The following PLCXD3 variants were observed in gnomAD, a reference collection of about 807,000 sequenced individuals.
PLCXD3 encodes the protein PI-PLC X domain-containing protein 3.
A neutral mutation model predicts 25.5 loss-of-function variants in PLCXD3; 19 were observed. The observed-to-expected ratio is 0.75, with a 90% confidence interval of 0.52 to 1.09. PLCXD3 has a LOEUF of 1.09. Among genes scored for constraint, PLCXD3 ranks in the 50% least tolerant of loss-of-function variants. The pLI is 0.00. For missense variants in PLCXD3, 411 were observed against 388.1 expected (o/e 1.06, Z -0.50); for synonymous variants, 174 against 137.6 (o/e 1.26, Z -1.85).
chr5:41,464,870 C>T (rs1226328929), intron 1 of PLCXD3, among the ~76,000 whole-genome samples: 1 of 151,858 alleles, frequency 6.6e-6, no homozygotes, highest in African/African-American at 2.4e-5. Context: ...TGTGTTCTTC[C>T]ATTTCATCAT....
At chr5:41,473,250 G>C (rs1163176877) in intron 1 of PLCXD3, among the ~76,000 whole-genome samples, 1 of 151,744 alleles carries the variant, frequency 6.6e-6, no homozygotes, top group African/African-American at 2.4e-5. Context: ...CTAACATCTT[G>C]GGCCTTTAAT....
chr5:41,358,244 G>A (rs1196777154), intron 2 of PLCXD3, among the ~76,000 whole-genome samples: 2 of 152,150 alleles, frequency 1.3e-5, no homozygotes, highest in Non-Finnish European at 2.9e-5. Context: ...AATGGCAAGT[G>A]GTAGTCAGGA....
intron 1 of PLCXD3, among the ~76,000 whole-genome samples, chr5:41,426,722 A>G (rs1240915667): frequency 6.6e-6 from 1 of 152,102 alleles, no homozygotes; most frequent in African/African-American, 2.4e-5. Context: ...TTAGATTTAC[A>G]TACATATTTA....
chr5:41,312,736 CT>C lies in PLCXD3; in HGVS notation c.*880del, dbSNP rs1277040260. On this transcript the variant is annotated 3_prime_UTR_variant, in exon 3 of 3. Transcript: ENST00000377801. ...TCCTTCCTTCCTTCCTTCCTTCCTTCTGTCTTTTTCTTTCATCAAGAGCATC... is the reference window on the plus strand; with the variant it reads ...TCCTTCCTTCCTTCCTTCCTTCCTTCGTCTTTTTCTTTCATCAAGAGCATC... 2.1e-4 allele frequency: 30 copies of C among 139,660 alleles called. No individual in the cohort carries two copies. Among genetic ancestry groups the C allele is most frequent in the African/African-American group, 4.3e-4 (16 of 36,940 alleles). 8.7% of individuals were successfully genotyped at this position (139,660 alleles called of 1,614,324 possible).
chr5:41,423,215 T>C (rs1209573647), intron 1 of PLCXD3, among the ~76,000 whole-genome samples: 1 of 152,148 alleles, frequency 6.6e-6, no homozygotes, highest in African/African-American at 2.4e-5. Context: ...ACAGTTTATA[T>C]GAAAAATGGG....
chr5:41,493,348 G>A (rs1488490998), intron 1 of PLCXD3, among the ~76,000 whole-genome samples: 1 of 152,192 alleles, frequency 6.6e-6, no homozygotes, highest in Non-Finnish European at 1.5e-5. Context: ...CCTACTGGGG[G>A]GTGCCTCCCA....
chr5:41,361,781 C>T (rs971629995), intron 2 of PLCXD3, among the ~76,000 whole-genome samples: 4 of 152,208 alleles, frequency 2.6e-5, no homozygotes, highest in African/African-American at 9.6e-5. Flanking sequence ...AAAAAGTCTA[C>T]ATGATACAGA....
intron 2 of PLCXD3, among the ~76,000 whole-genome samples, chr5:41,365,990 C>T (rs934316576): frequency 1.1e-4 from 17 of 151,618 alleles, no homozygotes; most frequent in Admixed American, 5.9e-4. Context: ...TTGTGCACAA[C>T]GTGCAGGTTT....
intron 1 of PLCXD3, among the ~76,000 whole-genome samples, chr5:41,400,562 T>C (rs1486745549): frequency 2.0e-5 from 3 of 152,064 alleles, no homozygotes; most frequent in African/African-American, 7.2e-5. Context: ...TGGAGATTAT[T>C]ATGTTGCATG....
intron 1 of PLCXD3, among the ~76,000 whole-genome samples, chr5:41,440,937 G>C (rs886727697): frequency 6.6e-6 from 1 of 152,168 alleles, no homozygotes; most frequent in Non-Finnish European, 1.5e-5. Context: ...CAGGCTATCA[G>C]AATGAGCTAC....
intron 1 of PLCXD3, among the ~76,000 whole-genome samples, chr5:41,463,634 T>C (rs1025672503): frequency 7.2e-5 from 11 of 152,032 alleles, no homozygotes; most frequent in African/African-American, 2.2e-4. Context: ...TTACAACTTC[T>C]TAGGGATCTT....
At chr5:41,424,115 C>G (rs1345271443) in intron 1 of PLCXD3, among the ~76,000 whole-genome samples, 1 of 152,172 alleles carries the variant, frequency 6.6e-6, no homozygotes, top group African/African-American at 2.4e-5. Context: ...CTCCATTCCC[C>G]TTCCCCCAGC....
At chr5:41,418,138 A>G (rs1746735259) in intron 1 of PLCXD3, among the ~76,000 whole-genome samples, 1 of 152,214 alleles carries the variant, frequency 6.6e-6, no homozygotes, top group Non-Finnish European at 1.5e-5. Context: ...GTGGCAGTGC[A>G]GTGATCTAGA....
At chr5:41,373,039 A>G (rs188839958) in intron 2 of PLCXD3, among the ~76,000 whole-genome samples, 76 of 152,182 alleles carry the variant, frequency 5.0e-4, no homozygotes, top group Non-Finnish European at 9.1e-4. Context: ...CTGTCTCAAA[A>G]CAAAACAAAA....
At chr5:41,422,698 T>A (rs557908604) in intron 1 of PLCXD3, among the ~76,000 whole-genome samples, 1 of 152,348 alleles carries the variant, frequency 6.6e-6, no homozygotes, top group African/African-American at 2.4e-5. Flanking sequence ...GTTTTACACA[T>A]TTATCTAAAA....
chr5:41,442,049 C>T (rs571041464), intron 1 of PLCXD3, among the ~76,000 whole-genome samples: 10 of 152,290 alleles, frequency 6.6e-5, no homozygotes, highest in East Asian at 3.9e-4. Context: ...TAATTGTTGA[C>T]GTCCATTGAA....
intron 2 of PLCXD3, among the ~76,000 whole-genome samples, chr5:41,356,983 T>C (rs987846159): frequency 1.3e-5 from 2 of 152,202 alleles, no homozygotes; most frequent in East Asian, 1.9e-4. Flanking sequence ...CCAAGGGTGA[T>C]AGAGATCCTA....
chr5:41,382,583 T>C (rs1169138867), intron 1 of PLCXD3, 49 bp from the exon 2 acceptor site: 1 of 1,414,642 alleles, frequency 7.1e-7, no homozygotes, highest in South Asian at 1.4e-5. Context: ...GTCTTTGCCC[T>C]TCCCACCTTC....
At chr5:41,471,513 C>A (rs555951042) in intron 1 of PLCXD3, among the ~76,000 whole-genome samples, 1 of 152,282 alleles carries the variant, frequency 6.6e-6, no homozygotes, top group Admixed American at 6.5e-5. Flanking sequence ...GTGGTCAGAA[C>A]TTGATTTCTG....
Sources: gnomAD v4.1 joint callset for allele counts (sites outside exome capture counted in the v4.1 genomes callset) on GRCh38, gnomAD v4.1.1 for gene constraint, MANE v1.5 for transcripts, NCBI Gene and HGNC (gene_info 2026-07-23, HGNC 2026-07-21) for gene names.